RGS3: variants seen among roughly 807,000 people sequenced by gnomAD.
RGS3 encodes the protein regulator of G-protein signalling 3.
RGS3 carries 80 observed loss-of-function variants against 132.6 expected under a neutral mutation model. That is an observed-to-expected ratio of 0.60 (90% confidence interval 0.50 to 0.73). RGS3 has a LOEUF of 0.73. RGS3 is among the 30% of genes least tolerant of loss of function. The pLI is 0.00. For synonymous variants in RGS3, 598 were observed against 620.6 expected (o/e 0.96, Z 0.54); for missense variants, 1,382 against 1,530.8 (o/e 0.90, Z 1.62).
chr9:113,559,338 A>G (rs1345308700), intron 19 of RGS3, among the ~76,000 whole-genome samples: 1 of 152,156 alleles, frequency 6.6e-6, no homozygotes, highest in Non-Finnish European at 1.5e-5. Context: ...CCAGGAAGGG[A>G]GACAGTCATG....
At chr9:113,511,898 A>T (rs1446299661) in intron 14 of RGS3, among the ~76,000 whole-genome samples, 1 of 152,030 alleles carries the variant, frequency 6.6e-6, no homozygotes, top group Non-Finnish European at 1.5e-5. Flanking sequence ...ATGGGGTTTC[A>T]TTCACAGCAT....
intron 19 of RGS3, among the ~76,000 whole-genome samples, chr9:113,570,861 C>G (rs934376985): frequency 6.6e-6 from 1 of 152,194 alleles, no homozygotes; most frequent in African/African-American, 2.4e-5. Context: ...GTCTCGAACT[C>G]CTGACCTCAG....
intron 1 of RGS3, among the ~76,000 whole-genome samples, chr9:113,448,710 A>C (rs1829172725): frequency 6.6e-6 from 1 of 152,168 alleles, no homozygotes. Flanking sequence ...TGCCTGGCCC[A>C]CTGTAAGTGC....
At chr9:113,511,308 T>A (rs1403840221) in intron 14 of RGS3, among the ~76,000 whole-genome samples, 1 of 151,832 alleles carries the variant, frequency 6.6e-6, no homozygotes, top group Non-Finnish European at 1.5e-5. Context: ...AAAAGGGTGA[T>A]ATGGGGGTTT....
chr9:113,482,060 AC>A (rs1270260668), intron 4 of RGS3, among the ~76,000 whole-genome samples: 7 of 150,518 alleles, frequency 4.7e-5, no homozygotes, highest in Non-Finnish European at 8.9e-5. Context: ...AAAAAAAAAA[AC>A]AAAAAAAACA....
intron 3 of RGS3, among the ~76,000 whole-genome samples, chr9:113,464,596 C>T (rs1829566456): frequency 2.0e-5 from 3 of 152,164 alleles, no homozygotes; most frequent in African/African-American, 7.2e-5. Flanking sequence ...CCCTTCATTT[C>T]CTCACTGGTC....
intron 19 of RGS3, among the ~76,000 whole-genome samples, chr9:113,575,790 C>T (rs1392099814): frequency 6.6e-6 from 1 of 152,180 alleles, no homozygotes; most frequent in African/African-American, 2.4e-5. Context: ...TGCAGTAGGT[C>T]TTAGATTGGG....
At chr9:113,580,673 TCTCTGGGTAGGTGCC>T in intron 19 of RGS3, 1 of 396,444 alleles carries the variant, frequency 2.5e-6, no homozygotes, top group Non-Finnish European at 3.4e-6. Context: ...TCGGCTGATC[TCTCTGGGTAGGTGCC>T]CTCTGGGGGC....
chr9:113,532,331 G>C (rs969511690), intron 18 of RGS3, among the ~76,000 whole-genome samples: 5 of 152,168 alleles, frequency 3.3e-5, no homozygotes, highest in Non-Finnish European at 5.9e-5. Flanking sequence ...TGGGAATTCA[G>C]CCTCCCTGGA....
chr9:113,589,961 A>AG (rs1835334325), intron 20 of RGS3: 2 of 152,170 alleles, frequency 1.3e-5, no homozygotes, highest in Non-Finnish European at 2.9e-5. Flanking sequence ...GAAATCACAC[A>AG]CCATACGGTG....
chr9:113,477,878 C>T (rs765462094), intron 3 of RGS3, among the ~76,000 whole-genome samples: 23 of 152,200 alleles, frequency 1.5e-4, no homozygotes, highest in South Asian at 4.1e-4. Context: ...TTCTGGTAGA[C>T]GGCCCTGCCC....
intron 19 of RGS3, chr9:113,580,726 C>T: frequency 3.3e-6 from 3 of 910,536 alleles, no homozygotes; most frequent in Non-Finnish European, 3.9e-6. Flanking sequence ...GGCACTTCCC[C>T]TCCTGGCTTT....
intron 15 of RGS3, 118 bp downstream of exon 13, chr9:113,514,772 A>C (rs1831570377): frequency 2.1e-6 from 2 of 940,050 alleles, no homozygotes; most frequent in Non-Finnish European, 3.2e-6. Context: ...GTTTTGGGAA[A>C]GATAAGTAGC....
Position 113,507,614 on chromosome 9 carries a change from G to C in RGS3, c.1413G>C (p.Leu471=), listed in dbSNP as rs1244700240. Residue 471 remains leucine, a synonymous_variant, in exon 13 of 25, where the codon CTG becomes CTC. Coordinates refer to ENST00000350696, the Ensembl canonical transcript of RGS3. This position sits in a 1 kb window ranked among gnomAD's most constrained non-coding sequence, Gnocchi z 5.0. ...CCACCGACCCCAACTACATCATCCT[G>C]GCCCCGCTGAATCCTGGGAGCCAGG... 6.8e-7 allele frequency: 1 copy of C among 1,480,686 alleles called. No individual in the cohort carries two copies. The allele number at this position is 1,480,686 out of a possible 1,614,324, so 91.7% of individuals were successfully genotyped here.
At chr9:113,534,720 T>G (rs1479298778) in intron 18 of RGS3, among the ~76,000 whole-genome samples, 1 of 151,098 alleles carries the variant, frequency 6.6e-6, no homozygotes, top group East Asian at 2.0e-4. Flanking sequence ...TCAGCAATCC[T>G]CCCACCTTAT....
intron 3 of RGS3, among the ~76,000 whole-genome samples, chr9:113,476,309 TGG>T (rs1246265026): frequency 6.6e-6 from 1 of 152,008 alleles, no homozygotes; most frequent in Non-Finnish European, 1.5e-5. Context: ...CTGGATTCTC[TGG>T]GCCCAGAGCA....
chr9:113,555,605 T>A (rs1167824292), intron 19 of RGS3, among the ~76,000 whole-genome samples: 1 of 152,114 alleles, frequency 6.6e-6, no homozygotes. Flanking sequence ...TAGTTGGGAT[T>A]ACAGGCGCCC....
At chr9:113,541,794 ATGCCATGATC>A (rs1293361303) in intron 19 of RGS3, 1 of 1,000,136 alleles carries the variant, frequency 1.0e-6, no homozygotes, top group African/African-American at 1.7e-5. Context: ...ATGAAGAACA[ATGCCATGATC>A]TGCTGCTGCC....
chr9:113,548,611 T>C (rs1451861613), intron 19 of RGS3, among the ~76,000 whole-genome samples: 1 of 152,102 alleles, frequency 6.6e-6, no homozygotes, highest in Non-Finnish European at 1.5e-5. Context: ...CCAGGCCCGA[T>C]GTGAGGAAGT....
Sources: allele counts gnomAD v4.1 joint callset (sites outside exome capture counted in the v4.1 genomes callset), GRCh38; gene constraint gnomAD v4.1.1; non-coding constraint Gnocchi (gnomAD v3.1); transcripts MANE v1.5; gene names NCBI Gene and HGNC (gene_info 2026-07-23, HGNC 2026-07-21).